KIAA0825: variants seen among roughly 807,000 people sequenced by gnomAD.
KIAA0825 encodes the protein KIAA0825.
A neutral mutation model predicts 147.6 loss-of-function variants in KIAA0825; 119 were observed. The observed-to-expected ratio is 0.81, with a 90% confidence interval of 0.69 to 0.94. KIAA0825 has a LOEUF of 0.94. KIAA0825 is among the 40% of genes least tolerant of loss of function. The probability of loss-of-function intolerance (pLI) is 0.00; values close to 1 mark genes in which losing one functional copy is unlikely to be tolerated. For synonymous variants in KIAA0825, 470 were observed against 518.1 expected, an observed-to-expected ratio of 0.91 and a Z score of 1.26; for missense variants, 1,381 against 1,472.7, an observed-to-expected ratio of 0.94 and a Z score of 1.02.
At chr5:94,219,055 G>T (rs1049353934) in intron 20 of KIAA0825, among the ~76,000 whole-genome samples, 1 of 152,092 alleles carries the variant, frequency 6.6e-6, no homozygotes, top group African/African-American at 2.4e-5. Context: ...ACTAGAGACT[G>T]GTTTTGTAGA....
intron 1 of KIAA0825, chr5:94,593,455 G>A (rs764295859): frequency 2.4e-5 from 17 of 704,000 alleles, no homozygotes; most frequent in Non-Finnish European, 3.9e-5. Context: ...TGAGGTCAAC[G>A]TTGCAAAAAG....
At chr5:94,611,575 G>A (rs1788808916) in intron 1 of KIAA0825, among the ~76,000 whole-genome samples, 1 of 151,418 alleles carries the variant, frequency 6.6e-6, no homozygotes, top group African/African-American at 2.4e-5. Flanking sequence ...TGGCTACAGA[G>A]GTATCTTTGG....
intron 9 of KIAA0825, 93 bp from the exon 10 acceptor site, chr5:94,470,204 GATA>G: frequency 1.3e-6 from 1 of 799,212 alleles, no homozygotes; most frequent in Non-Finnish European, 1.8e-6. Context: ...TTGATTATTA[GATA>G]TCAATCATTC....
At chr5:94,540,642 A>G (rs946139399) in intron 2 of KIAA0825, among the ~76,000 whole-genome samples, 6 of 152,244 alleles carry the variant, frequency 3.9e-5, no homozygotes, top group Non-Finnish European at 8.8e-5. Context: ...TTGTCAGAAA[A>G]GTAATAAGTG....
At chr5:94,530,106 C>T (rs1770470516) in intron 3 of KIAA0825, among the ~76,000 whole-genome samples, 4 of 151,812 alleles carry the variant, frequency 2.6e-5, no homozygotes, top group Admixed American at 2.0e-4. Flanking sequence ...CCCGTCTCTA[C>T]TAAAAAACTA....
intron 5 of KIAA0825, among the ~76,000 whole-genome samples, chr5:94,505,595 T>C (rs922679137): frequency 2.0e-5 from 3 of 152,156 alleles, no homozygotes; most frequent in Non-Finnish European, 4.4e-5. Flanking sequence ...GCTAATTACA[T>C]TCAGATTCTT....
chr5:94,238,368 C>CA (rs1414468264), intron 20 of KIAA0825, among the ~76,000 whole-genome samples: 1 of 152,030 alleles, frequency 6.6e-6, no homozygotes, highest in African/African-American at 2.4e-5. Flanking sequence ...AGTTTATAGC[C>CA]AATGTGCTCT....
At chr5:94,412,095 A>G (rs562079578) in intron 15 of KIAA0825, among the ~76,000 whole-genome samples, 1 of 152,338 alleles carries the variant, frequency 6.6e-6, no homozygotes, top group East Asian at 1.9e-4. Context: ...TGTGCAATAT[A>G]TATAAAGAAC....
intron 13 of KIAA0825, among the ~76,000 whole-genome samples, chr5:94,442,201 C>T (rs1757168718): frequency 2.0e-5 from 3 of 152,164 alleles, no homozygotes; most frequent in South Asian, 2.1e-4. Flanking sequence ...GAAAAAGTCT[C>T]GAAGCACCTC....
intron 20 of KIAA0825, among the ~76,000 whole-genome samples, chr5:94,335,130 T>G (rs1781676416): frequency 6.6e-6 from 1 of 152,172 alleles, no homozygotes; most frequent in African/African-American, 2.4e-5. Flanking sequence ...ATTACTTATC[T>G]TCTAAAATAA....
At chr5:94,558,124 G>A (rs1200914862) in intron 2 of KIAA0825, among the ~76,000 whole-genome samples, 1 of 152,090 alleles carries the variant, frequency 6.6e-6, no homozygotes, top group Non-Finnish European at 1.5e-5. Context: ...TTCTAATAGA[G>A]CTATAACACT....
intron 20 of KIAA0825, among the ~76,000 whole-genome samples, chr5:94,252,313 T>A (rs1407826455): frequency 6.6e-6 from 1 of 151,954 alleles, no homozygotes; most frequent in African/African-American, 2.4e-5. Flanking sequence ...GAAATCTAAG[T>A]GGTTGTTTTA....
At chr5:94,374,399 T>C (rs1449993942) in intron 20 of KIAA0825, among the ~76,000 whole-genome samples, 1 of 152,214 alleles carries the variant, frequency 6.6e-6, no homozygotes, top group Admixed American at 6.5e-5. Flanking sequence ...CCTGTTAACA[T>C]ATATAACACA....
chr5:94,585,385 CA>C (rs1463882027), intron 1 of KIAA0825, among the ~76,000 whole-genome samples: 1 of 152,128 alleles, frequency 6.6e-6, no homozygotes, highest in East Asian at 1.9e-4. Flanking sequence ...GCAGGGGTTG[CA>C]ATCCTGGTCT....
At chr5:94,408,265 A>C (rs907721437) in intron 15 of KIAA0825, among the ~76,000 whole-genome samples, 1 of 152,180 alleles carries the variant, frequency 6.6e-6, no homozygotes, top group African/African-American at 2.4e-5. Context: ...AGCAGTGAAA[A>C]GGCAGGACTG....
At chr5:94,286,140 T>A (rs1451697578) in intron 20 of KIAA0825, among the ~76,000 whole-genome samples, 1 of 152,144 alleles carries the variant, frequency 6.6e-6, no homozygotes, top group African/African-American at 2.4e-5. Flanking sequence ...AGTGTCAACA[T>A]GGCTACAAAG....
rs1349271039 is a variant in KIAA0825, at chr5:94,384,407, C to T, written c.3671G>A (p.Arg1224Lys). The change falls in exon 20 of 21, where the codon AGA becomes AAA. Residue 1224 changes from arginine to lysine, a missense_variant. Physicochemically the swap from Arg to Lys is conservative, Grantham distance 26. Transcript: ENST00000682413. ...CACACTGAAGGTCATCTTATCCAGT[C>T]TCAGATAATTTGGCAGCAACTTTGC... ...NWAKLLPNYL[R>K]LDKMTFSVLL... is the part of the protein sequence containing the mutation. The T allele has an allele frequency of 6.4e-7, 1 of 1,551,978 alleles. No homozygotes were observed.
intron 14 of KIAA0825, among the ~76,000 whole-genome samples, chr5:94,435,247 G>C (rs2150811472): frequency 6.6e-6 from 1 of 151,780 alleles, no homozygotes; most frequent in African/African-American, 2.4e-5. Context: ...ATTAAGCCTA[G>C]TATCCATTAG....
At chr5:94,509,443 A>G (rs1011959477) in intron 5 of KIAA0825, among the ~76,000 whole-genome samples, 1 of 152,198 alleles carries the variant, frequency 6.6e-6, no homozygotes, top group African/African-American at 2.4e-5. Context: ...AAATCCCTAC[A>G]AATAGGTTTC....
Sources: allele counts gnomAD v4.1 joint callset (sites outside exome capture counted in the v4.1 genomes callset), GRCh38; gene constraint gnomAD v4.1.1; transcripts MANE v1.5; gene names NCBI Gene and HGNC (gene_info 2026-07-23, HGNC 2026-07-21).